The following GREM1 variants were observed in gnomAD, a reference collection of about 807,000 sequenced individuals.
GREM1 encodes gremlin-1.
A neutral mutation model predicts 13.1 loss-of-function variants in GREM1; 6 were observed. That is an observed-to-expected ratio of 0.46 (90% CI 0.25 to 0.91). GREM1 has a LOEUF of 0.91. GREM1 is among the 40% of genes least tolerant of loss of function. The pLI, the probability that GREM1 is intolerant of heterozygous loss-of-function variation, is 0.18. For synonymous variants in GREM1, 98 were observed against 93.7 expected, an observed-to-expected ratio of 1.05 and a Z score of -0.27; for missense variants, 185 against 233.9, an observed-to-expected ratio of 0.79 and a Z score of 1.36.
rs1324810065 is a variant in GREM1 at position 32,739,790 on chromosome 15, G to C, written c.*8545G>C. The stretch of plus-strand genomic sequence containing the variant: ...TCCGAATCCCTAACCCCAGCACAGT[G>C]CCATGTAGTCAGCAAGAGACTCCCT... On this transcript the variant is annotated 3_prime_UTR_variant, in exon 2 of 2. Transcript: ENST00000651154. 1 of 152,260 alleles carries C rather than the reference G, an allele frequency of 6.6e-6. No individual in the cohort carries two copies. Among genetic ancestry groups the C allele is most frequent in the African/African-American group, 2.4e-5 (1 of 41,458 alleles). 9.4% of individuals were successfully genotyped at this position (152,260 alleles called of 1,614,324 possible).
chr15:32,723,915 A>G (rs146611697), intron 1 of GREM1, among the ~76,000 whole-genome samples: 2,630 of 152,320 alleles, frequency 0.017, 32 homozygotes, highest in Non-Finnish European at 0.027. Flanking sequence ...GATGGAAGGA[A>G]TTTGCCACAC....
intron 1 of GREM1, among the ~76,000 whole-genome samples, chr15:32,720,847 G>C (rs150279291): frequency 3.0e-4 from 46 of 152,332 alleles, no homozygotes; most frequent in African/African-American, 7.9e-4. Context: ...TTTGGGGCTA[G>C]ATAGAATTGG....
At position 32,738,352 on chromosome 15, in the gene GREM1, C is replaced by T. The variant is rs1369193722; in HGVS notation, c.*7107C>T. On this transcript the variant is annotated 3_prime_UTR_variant, in exon 2 of 2. Coordinates refer to ENST00000651154, the MANE Select transcript of GREM1 (RefSeq NM_013372.7). ...TCTGAAAATAAAATTAAGAAAATAG[C>T]ACCCTTTGAATAGTATCAAAAAGAA... 1 of 151,654 alleles carries T rather than the reference C, an allele frequency of 6.6e-6. No individual in the cohort carries two copies. Among genetic ancestry groups the T allele is most frequent in the African/African-American group, 2.4e-5 (1 of 41,322 alleles). 9.4% of individuals were successfully genotyped at this position (151,654 alleles called of 1,614,324 possible).
At chr15:32,718,257 T>C in intron 1 of GREM1, 96 bp downstream of exon 1, 1 of 982,168 alleles carries the variant, frequency 1.0e-6, no homozygotes, top group Non-Finnish European at 1.5e-6. Context: ...GCGGCAGCCC[T>C]CCGTGCGCGC....
chr15:32,720,843 G>A (rs1231815799), intron 1 of GREM1, among the ~76,000 whole-genome samples: 2 of 152,186 alleles, frequency 1.3e-5, no homozygotes, highest in East Asian at 3.8e-4. Flanking sequence ...TGTGTTTGGG[G>A]CTAGATAGAA....
chr15:32,735,831 G>A lies in GREM1; in HGVS notation c.*4586G>A, dbSNP rs1405031429. 1 of 151,412 alleles carries A rather than the reference G, an allele frequency of 6.6e-6. No homozygotes were observed. The highest frequency in any genetic ancestry group is 1.5e-5 in the Non-Finnish European group (1 of 67,946). 9.4% of individuals were successfully genotyped at this position (151,412 alleles called of 1,614,324 possible). A position where few individuals can be genotyped will look rare whatever the true frequency, so the allele number is the denominator to read the frequency against. On this transcript the variant is annotated 3_prime_UTR_variant, in exon 2 of 2. Coordinates refer to ENST00000651154, the MANE Select transcript of GREM1 (RefSeq NM_013372.7). Reference sequence around the variant, plus strand: ...TCAGCAACAATGCTTGAGATTCCCTGGTCCCCCAAAGAGTCTCTCCTCCAT... The same window carrying A: ...TCAGCAACAATGCTTGAGATTCCCTAGTCCCCCAAAGAGTCTCTCCTCCAT...
intron 1 of GREM1, among the ~76,000 whole-genome samples, chr15:32,724,141 A>G (rs542095504): frequency 1.3e-5 from 2 of 152,400 alleles, no homozygotes; most frequent in South Asian, 2.1e-4. Context: ...TATTTACTCA[A>G]TAACAGATGT....
At chr15:32,730,643 C>T in intron 1 of GREM1, 47 bp from the exon 2 acceptor site, 1 of 1,318,744 alleles carries the variant, frequency 7.6e-7, no homozygotes, top group South Asian at 1.5e-5. Flanking sequence ...TTTAAATTAA[C>T]TTTGCCATGT....
chr15:32,744,208 T>G lies in GREM1; in HGVS notation c.*12963T>G, dbSNP rs2140773223. 6.6e-6 allele frequency: 1 copy of G among 152,244 alleles called. No individual in the cohort carries two copies. The highest frequency in any genetic ancestry group is 1.9e-4 in the East Asian group (1 of 5,178). 9.4% of individuals were successfully genotyped at this position (152,244 alleles called of 1,614,324 possible). A position where few individuals can be genotyped will look rare whatever the true frequency, so the allele number is the denominator to read the frequency against. On this transcript the variant is annotated 3_prime_UTR_variant, in exon 2 of 2. Transcript: ENST00000651154. ...GAATCAATAAATTCCATTTTTGGCT[T>G]AGCTTCTATTGGGTTTCTATCACTT...
In GREM1 at chr15:32,738,188, G is replaced by A. The variant is rs2055729943; in HGVS notation, c.*6943G>A. The A allele has an allele frequency of 7.6e-6, 1 of 131,960 alleles. No homozygotes were observed. Among genetic ancestry groups the A allele is most frequent in the Non-Finnish European group, 1.6e-5 (1 of 64,124 alleles). The allele number at this position is 131,960 out of a possible 1,614,324, so 8.2% of individuals were successfully genotyped here. A position where few individuals can be genotyped will look rare whatever the true frequency, so the allele number is the denominator to read the frequency against. On this transcript the variant is annotated 3_prime_UTR_variant, in exon 2 of 2. Transcript: ENST00000651154. ...AGAAATAAAATGATTTCAATTTTAA[G>A]ATGACATAATATTGTATGTAGAAAT...
rs1333845734 is a variant in GREM1 at position 32,739,882 on chromosome 15, A to C, written c.*8637A>C. ...TCCAAGACCTCCAACTTTTCTGAGGAGATTCCCAGAGGACTGGCTTCTATC... is the reference window on the plus strand; with the variant it reads ...TCCAAGACCTCCAACTTTTCTGAGGCGATTCCCAGAGGACTGGCTTCTATC... On this transcript the variant is annotated 3_prime_UTR_variant, in exon 2 of 2. Transcript: ENST00000651154. 3 of 152,374 alleles carry C rather than the reference A, an allele frequency of 2.0e-5. No individual in the cohort carries two copies. The highest frequency in any genetic ancestry group is 2.1e-4 in the South Asian group (1 of 4,822). The allele number at this position is 152,374 out of a possible 1,614,324, so 9.4% of individuals were successfully genotyped here. A position where few individuals can be genotyped will look rare whatever the true frequency, so the allele number is the denominator to read the frequency against.
rs538020861 is a variant in GREM1 at position 32,730,667 on chromosome 15, C to G, written c.-1-23C>G. Reference sequence around the variant, plus strand: ...ACTTTGCCATGTTTTGTGTCTTCCCCTCTCTGTGCTTCCTTTCTTTAGTAT... The same window carrying G: ...ACTTTGCCATGTTTTGTGTCTTCCCGTCTCTGTGCTTCCTTTCTTTAGTAT... On this transcript the variant is annotated intron_variant, in intron 1 of 1. Coordinates refer to ENST00000651154, the MANE Select transcript of GREM1 (RefSeq NM_013372.7). 40 of 1,495,508 alleles carry G rather than the reference C, an allele frequency of 2.7e-5. No individual in the cohort carries two copies. The highest frequency in any genetic ancestry group is 3.4e-5 in the Non-Finnish European group (38 of 1,115,534). 92.6% of individuals were successfully genotyped at this position (1,495,508 alleles called of 1,614,324 possible).
rs1286732840 is a variant in GREM1, at chr15:32,739,812, C to T, written c.*8567C>T. 1 of 152,276 alleles carries T rather than the reference C, an allele frequency of 6.6e-6. No homozygotes were observed. The highest frequency in any genetic ancestry group is 1.5e-5 in the Non-Finnish European group (1 of 68,074). The allele number at this position is 152,276 out of a possible 1,614,324, so 9.4% of individuals were successfully genotyped here. A position where few individuals can be genotyped will look rare whatever the true frequency, so the allele number is the denominator to read the frequency against. On this transcript the variant is annotated 3_prime_UTR_variant, in exon 2 of 2. Transcript: ENST00000651154. ...AGTGCCATGTAGTCAGCAAGAGACTCCCTAGCACTCAGTTTCTCCCAGGTG... is the reference window on the plus strand; with the variant it reads ...AGTGCCATGTAGTCAGCAAGAGACTTCCTAGCACTCAGTTTCTCCCAGGTG...
At position 32,734,792 on chromosome 15, in the gene GREM1, T is replaced by C. The variant is rs2055675765; in HGVS notation, c.*3547T>C. On this transcript the variant is annotated 3_prime_UTR_variant, in exon 2 of 2. Coordinates refer to ENST00000651154, the MANE Select transcript of GREM1 (RefSeq NM_013372.7). ...AGCCTGTGATCTTTGGTGGAATTTA[T>C]TCCTTTTGCCTAGGCCTTTCAGACC... The C allele has an allele frequency of 1.1e-5, 2 of 188,900 alleles. No homozygotes were observed. The highest frequency in any genetic ancestry group is 1.2e-4 in the Admixed American group (2 of 16,184). The allele number at this position is 188,900 out of a possible 1,614,324, so 11.7% of individuals were successfully genotyped here.
chr15:32,723,693 A>G (rs2140674744), intron 1 of GREM1, among the ~76,000 whole-genome samples: 1 of 151,720 alleles, frequency 6.6e-6, no homozygotes, highest in East Asian at 1.9e-4. Flanking sequence ...ACACTCACAT[A>G]GAAACAGAAA....
chr15:32,733,590 G>T lies in GREM1; in HGVS notation c.*2345G>T, dbSNP rs146793673. 1.3e-5 allele frequency: 3 copies of T among 231,612 alleles called. No homozygotes were observed. Among genetic ancestry groups the T allele is most frequent in the Non-Finnish European group, 2.8e-5 (3 of 107,740 alleles). The allele number at this position is 231,612 out of a possible 1,614,324, so 14.3% of individuals were successfully genotyped here. A position where few individuals can be genotyped will look rare whatever the true frequency, so the allele number is the denominator to read the frequency against. ...CTAAAAGCATATCACTAGCCAAAGA[G>T]GGAAATATCTGTTCTTCTTACTGTG... is the stretch of plus-strand genomic sequence containing the variant. On this transcript the variant is annotated 3_prime_UTR_variant, in exon 2 of 2. Transcript: ENST00000651154.
rs1251644630 is a variant in GREM1 at position 32,737,591 on chromosome 15, A to G, written c.*6346A>G. 2 of 152,166 alleles carry G rather than the reference A, an allele frequency of 1.3e-5. No individual in the cohort carries two copies. Among genetic ancestry groups the G allele is most frequent in the African/African-American group, 2.4e-5 (1 of 41,424 alleles). 9.4% of individuals were successfully genotyped at this position (152,166 alleles called of 1,614,324 possible). ...AATAAAATCACTCAACACACTAGGA[A>G]GAGAAGGGAACTTCTTCAACCTCAC... On this transcript the variant is annotated 3_prime_UTR_variant, in exon 2 of 2. Coordinates refer to ENST00000651154, the MANE Select transcript of GREM1 (RefSeq NM_013372.7).
At chr15:32,726,105 C>T (rs1030753756) in intron 1 of GREM1, among the ~76,000 whole-genome samples, 1 of 152,132 alleles carries the variant, frequency 6.6e-6, no homozygotes, top group Non-Finnish European at 1.5e-5. Context: ...ATTGTCTTGG[C>T]TATATGGGCT....
chr15:32,718,517 G>C (rs1398663405), intron 1 of GREM1: 5 of 458,136 alleles, frequency 1.1e-5, no homozygotes, highest in Admixed American at 2.4e-5. Context: ...GCGAAGTCCA[G>C]GCCGCCAGAG....
Sources: allele counts gnomAD v4.1 joint callset (sites outside exome capture counted in the v4.1 genomes callset), GRCh38; gene constraint gnomAD v4.1.1; transcripts MANE v1.5; gene names NCBI Gene and HGNC (gene_info 2026-07-23, HGNC 2026-07-21).